The following ANGPT1 variants were observed in gnomAD, a reference collection of about 807,000 sequenced individuals.
ANGPT1 encodes angiopoietin-1.
A neutral mutation model predicts 62.2 loss-of-function variants in ANGPT1; 17 were observed. That is an observed-to-expected ratio of 0.27 (90% CI 0.19 to 0.41). The LOEUF (loss-of-function observed/expected upper bound fraction) is 0.41. ANGPT1 is among the 10% of genes least tolerant of loss of function. The pLI, the probability that ANGPT1 is intolerant of heterozygous loss-of-function variation, is 1.00. For missense variants in ANGPT1, 478 were observed against 594.9 expected (o/e 0.80, Z 2.04); for synonymous variants, 199 against 198.9 (o/e 1.00, Z 0.00).
intron 1 of ANGPT1, among the ~76,000 whole-genome samples, chr8:107,352,400 G>A (rs1445518775): frequency 6.6e-6 from 1 of 152,132 alleles, no homozygotes; most frequent in Non-Finnish European, 1.5e-5. Flanking sequence ...GCCATTTGTA[G>A]TTCTATCATA....
chr8:107,272,872 CCT>C (rs1813770325), intron 7 of ANGPT1, among the ~76,000 whole-genome samples: 1 of 129,144 alleles, frequency 7.7e-6, no homozygotes, highest in Non-Finnish European at 1.6e-5. Context: ...GTATTCCTTC[CCT>C]TTTTTAAGAA....
At chr8:107,462,917 T>C (rs1812107855) in intron 1 of ANGPT1, among the ~76,000 whole-genome samples, 1 of 152,106 alleles carries the variant, frequency 6.6e-6, no homozygotes, top group Admixed American at 6.6e-5. Flanking sequence ...CTTAGACTTA[T>C]AAAAGAAAGT....
At chr8:107,403,231 A>G (rs952864258) in intron 1 of ANGPT1, among the ~76,000 whole-genome samples, 4 of 152,134 alleles carry the variant, frequency 2.6e-5, no homozygotes, top group African/African-American at 9.7e-5. Flanking sequence ...CATCTTACAC[A>G]AAGACAAGAA....
intron 1 of ANGPT1, among the ~76,000 whole-genome samples, chr8:107,446,208 C>A (rs779234616): frequency 3.9e-5 from 6 of 152,154 alleles, no homozygotes; most frequent in African/African-American, 7.2e-5. Context: ...TGAGCCACCA[C>A]GCCCGGCCAA....
intron 1 of ANGPT1, among the ~76,000 whole-genome samples, chr8:107,377,644 G>C (rs1218074539): frequency 6.6e-6 from 1 of 152,198 alleles, no homozygotes; most frequent in Non-Finnish European, 1.5e-5. Context: ...ATCCATTTAA[G>C]CTTCAGAGCC....
intron 1 of ANGPT1, among the ~76,000 whole-genome samples, chr8:107,401,741 T>C (rs759063666): frequency 5.9e-5 from 9 of 152,184 alleles, no homozygotes. Flanking sequence ...AATGTACACA[T>C]AACACTGCAA....
chr8:107,281,315 C>A (rs1309407189), intron 7 of ANGPT1, among the ~76,000 whole-genome samples: 2 of 151,732 alleles, frequency 1.3e-5, no homozygotes, highest in Non-Finnish European at 2.9e-5. Context: ...AAAATAAAAC[C>A]TCAAACAATT....
intron 1 of ANGPT1, among the ~76,000 whole-genome samples, chr8:107,494,026 T>A (rs533588822): frequency 6.9e-6 from 1 of 144,176 alleles, no homozygotes; most frequent in South Asian, 2.3e-4. Flanking sequence ...ATATTTTCCA[T>A]TAATAGTCAT....
chr8:107,418,446 G>A (rs950402890), intron 1 of ANGPT1, among the ~76,000 whole-genome samples: 5 of 152,166 alleles, frequency 3.3e-5, no homozygotes, highest in Non-Finnish European at 7.3e-5. Flanking sequence ...TTAGTATTCC[G>A]TGACATTCAA....
chr8:107,396,517 CTTTTTTTTTTT>C (rs10686360), intron 1 of ANGPT1, among the ~76,000 whole-genome samples: 1 of 84,830 alleles, frequency 1.2e-5, no homozygotes, highest in Non-Finnish European at 2.1e-5. Flanking sequence ...TCTTTTCTCT[CTTTTTTTTTTT>C]TTTTTTTTTT....
intron 1 of ANGPT1, chr8:107,495,066 T>C (rs1813057960): frequency 6.6e-6 from 1 of 152,164 alleles, no homozygotes; most frequent in African/African-American, 2.4e-5. Flanking sequence ...AGAATAAAAA[T>C]ATCACATGAA....
rs557113710 is a variant in ANGPT1, at chr8:107,323,981, G to C, written c.576-1853C>G. On this transcript the variant is annotated intron_variant, in intron 3 of 8. Coordinates refer to ENST00000517746, the MANE Select transcript of ANGPT1 (RefSeq NM_001146.5). ...TTTTTAGTAGAGATGGGGTTTTGCC[G>C]TGTTGGCCAGGATGGTCTCGATCTC... Among the ~76,000 whole-genome samples, 3 of 151,596 alleles carry C rather than the reference G, an allele frequency of 2.0e-5. No homozygotes were observed. The East Asian group carries it at 5.9e-4, about 30-fold the overall frequency.
intron 6 of ANGPT1, among the ~76,000 whole-genome samples, chr8:107,290,049 T>A (rs959422662): frequency 3.9e-5 from 6 of 152,120 alleles, no homozygotes; most frequent in African/African-American, 1.4e-4. Flanking sequence ...TTTTGCTGAA[T>A]CTCCTCATGA....
chr8:107,316,543 C>T (rs1411531297), intron 4 of ANGPT1, among the ~76,000 whole-genome samples: 2 of 152,120 alleles, frequency 1.3e-5, no homozygotes, highest in Non-Finnish European at 2.9e-5. Context: ...GTAAAAGCAC[C>T]CATCTGGTCC....
intron 1 of ANGPT1, among the ~76,000 whole-genome samples, chr8:107,422,233 T>C (rs150804162): frequency 2.0e-5 from 3 of 152,306 alleles, no homozygotes; most frequent in East Asian, 1.9e-4. Context: ...TGCAGTTACA[T>C]GGCAAGCAAT....
At position 107,370,388 on chromosome 8, in the gene ANGPT1, G is replaced by GAAAA. The variant is rs755450545; in HGVS notation, c.298-23292_298-23291insTTTT. On this transcript the variant is annotated intron_variant, in intron 1 of 8. Coordinates refer to ENST00000517746, the MANE Select transcript of ANGPT1 (RefSeq NM_001146.5). ...AGAAAGAAAGAAAGAAAGAAAGAAA[G>GAAAA]AAAGAAAGAAAGAAAGAAAGAGTCA... Among the ~76,000 whole-genome samples, 16 of 54,122 alleles carry GAAAA rather than the reference G, an allele frequency of 3.0e-4. 3 individuals carry two copies. The highest frequency in any genetic ancestry group is 4.4e-4 in the Non-Finnish European group (9 of 20,374). The allele number at this position is 54,122 out of a possible 152,430, so 35.5% of individuals were successfully genotyped here.
intron 1 of ANGPT1, among the ~76,000 whole-genome samples, chr8:107,393,146 C>T (rs762992747): frequency 9.9e-5 from 15 of 151,982 alleles, no homozygotes; most frequent in Non-Finnish European, 2.1e-4. Flanking sequence ...ATTTTTTTCC[C>T]ATCAGTGCAT....
At chr8:107,380,310 A>G (rs1816610103) in intron 1 of ANGPT1, among the ~76,000 whole-genome samples, 1 of 151,906 alleles carries the variant, frequency 6.6e-6, no homozygotes, top group South Asian at 2.1e-4. Flanking sequence ...TCAATCAACT[A>G]GTTATTTGAC....
chr8:107,261,035 G>T (rs1286218673), intron 8 of ANGPT1, among the ~76,000 whole-genome samples: 1 of 152,136 alleles, frequency 6.6e-6, no homozygotes, highest in Non-Finnish European at 1.5e-5. Flanking sequence ...ACATTTGAAA[G>T]ATTTTACTGT....
Sources: gnomAD v4.1 joint callset for allele counts (sites outside exome capture counted in the v4.1 genomes callset) on GRCh38, gnomAD v4.1.1 for gene constraint, MANE v1.5 for transcripts, NCBI Gene and HGNC (gene_info 2026-07-23, HGNC 2026-07-21) for gene names.